The following ZNF563 variants were observed in gnomAD, a reference collection of about 807,000 sequenced individuals.
ZNF563 encodes zinc finger protein 563.
Under a neutral mutation model 48.5 loss-of-function variants are expected in ZNF563, and 39 were observed. The ratio of observed to expected loss-of-function variants is 0.80; its 90% CI spans 0.62 to 1.05. The LOEUF is 1.05. Among genes scored for constraint, ZNF563 ranks in the 50% least tolerant of loss-of-function variants. The probability of loss-of-function intolerance (pLI) is 0.00; values close to 1 mark genes in which losing one functional copy is unlikely to be tolerated. For synonymous variants in ZNF563, 168 were observed against 187.9 expected (o/e 0.89, Z 0.87); for missense variants, 538 against 597.0 (o/e 0.90, Z 1.03).
At chr19:12,333,644 C>T (rs1394037860), upstream of ZNF563, 7 of 1,100,170 alleles carry the variant, frequency 6.4e-6, no homozygotes, top group East Asian at 2.8e-5. Flanking sequence ...GAGTCTAGAG[C>T]TGAGCGCAGG....
At chr19:12,322,276 G>C (rs560977318) in intron 2 of ZNF563, among the ~76,000 whole-genome samples, 1 of 151,948 alleles carries the variant, frequency 6.6e-6, no homozygotes, top group Admixed American at 6.6e-5. Flanking sequence ...GGCTGGTCTC[G>C]AACTCCTGAC....
chr19:12,342,253 A>G, the ZNF563 span, among the ~76,000 whole-genome samples: 1 of 152,138 alleles, frequency 6.6e-6, no homozygotes. Flanking sequence ...CCTGGGCTCA[A>G]GCAATCCTCC....
chr19:12,345,013 T>TAAAAATA, the ZNF563 span, among the ~76,000 whole-genome samples: 1 of 151,966 alleles, frequency 6.6e-6, no homozygotes, highest in Non-Finnish European at 1.5e-5. Context: ...GTAAAACACT[T>TAAAAATA]AAAAATAAAT....
At chr19:12,324,529 C>T (rs1404333887) in intron 1 of ZNF563, among the ~76,000 whole-genome samples, 3 of 151,826 alleles carry the variant, frequency 2.0e-5, no homozygotes, top group Admixed American at 6.6e-5. Context: ...ACCAGCCTGA[C>T]CAACATGAAG....
chr19:12,332,982 T>C (rs1465806726), intron 1 of ZNF563, among the ~76,000 whole-genome samples: 2 of 152,130 alleles, frequency 1.3e-5, no homozygotes, highest in African/African-American at 4.8e-5. Flanking sequence ...AATCTGGAAA[T>C]CTAGGGATTT....
At chr19:12,340,567 A>G in the ZNF563 span, among the ~76,000 whole-genome samples, 4,412 of 152,250 alleles carry the variant, frequency 0.029, 225 homozygotes, top group African/African-American at 0.1. Context: ...TGAGGTCAGG[A>G]GTTCAAGACC....
chr19:12,327,459 CAAAA>C (rs35937081), intron 1 of ZNF563, among the ~76,000 whole-genome samples: 1 of 71,920 alleles, frequency 1.4e-5, no homozygotes, highest in Admixed American at 1.6e-4. Context: ...CACTCCATCT[CAAAA>C]AAAAAAAAAA....
intron 1 of ZNF563, among the ~76,000 whole-genome samples, chr19:12,328,701 G>A (rs1968852628): frequency 6.6e-6 from 1 of 152,068 alleles, no homozygotes; most frequent in Non-Finnish European, 1.5e-5. Flanking sequence ...CCCAGGAGGT[G>A]GAGGTTGCGG....
At chr19:12,344,190 C>G in the ZNF563 span, among the ~76,000 whole-genome samples, 12 of 151,950 alleles carry the variant, frequency 7.9e-5, no homozygotes, top group African/African-American at 2.9e-4. Context: ...CCCAGCAATT[C>G]GAGACCAGCC....
chr19:12,323,547 C>G (rs1248152151), intron 1 of ZNF563, among the ~76,000 whole-genome samples: 1 of 152,242 alleles, frequency 6.6e-6, no homozygotes, highest in African/African-American at 2.4e-5. Context: ...CATCTAAGAA[C>G]TCTGCAGAGT....
chr19:12,317,678 A>G lies in ZNF563; in HGVS notation c.*916T>C, dbSNP rs1968471367. On this transcript the variant is annotated 3_prime_UTR_variant, in exon 4 of 4. Transcript: ENST00000293725. The stretch of plus-strand genomic sequence containing the variant: ...TTTGTACCAAATATGTCATTTTTAA[A>G]AAAGGACTTGGCATGTGTCGATTTA... 1.3e-5 allele frequency: 2 copies of G among 152,118 alleles called. No individual in the cohort carries two copies. Among genetic ancestry groups the G allele is most frequent in the Non-Finnish European group, 1.5e-5 (1 of 68,018 alleles). The allele number at this position is 152,118 out of a possible 1,614,324, so 9.4% of individuals were successfully genotyped here. A position where few individuals can be genotyped will look rare whatever the true frequency, so the allele number is the denominator to read the frequency against.
the ZNF563 span, among the ~76,000 whole-genome samples, chr19:12,340,776 C>CA: frequency 1.4e-5 from 2 of 146,632 alleles, no homozygotes; most frequent in African/African-American, 5.3e-5. Flanking sequence ...GACTCCATCT[C>CA]CAAAAAAAAA....
At chr19:12,340,331 C>T in the ZNF563 span, among the ~76,000 whole-genome samples, 2 of 151,720 alleles carry the variant, frequency 1.3e-5, no homozygotes, top group African/African-American at 4.8e-5. Flanking sequence ...GAGACTCTGT[C>T]TCAAAAAGAA....
At chr19:12,330,798 C>T (rs549442019) in intron 1 of ZNF563, among the ~76,000 whole-genome samples, 1 of 152,346 alleles carries the variant, frequency 6.6e-6, no homozygotes, top group African/African-American at 2.4e-5. Context: ...TCTATTACCT[C>T]AGCTTCCATT....
Position 12,322,861 on chromosome 19 carries a change from TC to T in ZNF563, c.4-151del, listed in dbSNP as rs1215822308. On this transcript the variant is annotated intron_variant, in intron 1 of 3. Coordinates refer to ENST00000293725, the MANE Select transcript of ZNF563 (RefSeq NM_145276.3). ...TCTCATATTCTCTTTACACTCACTT[TC>T]TCTCACACAGCCATTTTGATGGTAG... 1.2e-5 allele frequency: 10 copies of T among 841,758 alleles called. 1 individual carries two copies. Among genetic ancestry groups the T allele is most frequent in the Non-Finnish European group, 1.7e-5 (10 of 598,756 alleles). 52.1% of individuals were successfully genotyped at this position (841,758 alleles called of 1,614,324 possible).
At chr19:12,347,094 G>A in the ZNF563 span, 1 of 152,142 alleles carries the variant, frequency 6.6e-6, no homozygotes, top group Non-Finnish European at 1.5e-5. Context: ...AATGTTGGTA[G>A]TTCAAAGGGT....
intron 2 of ZNF563, 116 bp downstream of exon 2, chr19:12,322,469 G>A (rs1410261101): frequency 1.8e-6 from 2 of 1,136,832 alleles, no homozygotes; most frequent in Admixed American, 2.9e-5. Context: ...TCTGAATTCT[G>A]TGTTGTTCAA....
intron 1 of ZNF563, among the ~76,000 whole-genome samples, chr19:12,323,218 C>CT (rs1408417109): frequency 6.6e-6 from 1 of 152,174 alleles, no homozygotes; most frequent in Non-Finnish European, 1.5e-5. Context: ...ACATTATTTT[C>CT]TTAACTCCTA....
At chr19:12,332,932 T>G (rs2145821188) in intron 1 of ZNF563, among the ~76,000 whole-genome samples, 1 of 152,312 alleles carries the variant, frequency 6.6e-6, no homozygotes, top group Admixed American at 6.5e-5. Context: ...GTCGTTCCCC[T>G]GTGACGGAGA....
Sources: gnomAD v4.1 joint callset for allele counts (sites outside exome capture counted in the v4.1 genomes callset) on GRCh38, gnomAD v4.1.1 for gene constraint, MANE v1.5 for transcripts, NCBI Gene and HGNC (gene_info 2026-07-23, HGNC 2026-07-21) for gene names.